The following LPA variants were observed in gnomAD, a reference collection of about 807,000 sequenced individuals.
The protein encoded by LPA is lipoprotein(a).
A neutral mutation model predicts 197.9 loss-of-function variants in LPA; 199 were observed. The ratio of observed to expected loss-of-function variants is 1.01; its 90% CI spans 0.90 to 1.13. The LOEUF is 1.13. Among genes scored for constraint, LPA ranks in the 50% most tolerant of loss-of-function variants. LPA has a pLI of 0.00. For synonymous variants in LPA, 715 were observed against 639.5 expected (o/e 1.12, Z -1.78); for missense variants, 1,853 against 1,785.8 (o/e 1.04, Z -0.68).
At chr6:160,607,137 T>C (rs1209759252) in intron 16 of LPA, among the ~76,000 whole-genome samples, 1 of 152,174 alleles carries the variant, frequency 6.6e-6, no homozygotes, top group Non-Finnish European at 1.5e-5. Context: ...AAACATGGGA[T>C]CCAGGAGGAT....
intron 18 of LPA, among the ~76,000 whole-genome samples, chr6:160,602,668 C>A (rs1183069916): frequency 6.6e-6 from 1 of 152,220 alleles, no homozygotes; most frequent in Non-Finnish European, 1.5e-5. Context: ...GTTACACAAG[C>A]CTGCTGATTC....
chr6:160,600,852 G>T, intron 19 of LPA, 65 bp downstream of exon 19: 1 of 1,553,240 alleles, frequency 6.4e-7, no homozygotes, highest in East Asian at 2.3e-5. Context: ...TTGTGCGTCA[G>T]TGGGGGTATC....
chr6:160,586,411 T>C (rs1442140111), intron 25 of LPA, 38 bp downstream of exon 25: 2 of 1,609,598 alleles, frequency 1.2e-6, no homozygotes, highest in Middle Eastern at 1.7e-4. Flanking sequence ...TTTATCCCAA[T>C]GTCCGAGGGT....
intron 17 of LPA, 35 bp downstream of exon 17, chr6:160,606,442 C>T (rs1267273101): frequency 3.1e-6 from 5 of 1,609,678 alleles, no homozygotes; most frequent in East Asian, 4.5e-5. Flanking sequence ...ATCCCAGCAT[C>T]GAAACGTGTA....
chr6:160,635,058 G>T (rs1779784380), intron 7 of LPA, 65 bp downstream of exon 7: 1 of 1,473,394 alleles, frequency 6.8e-7, no homozygotes, highest in Non-Finnish European at 9.4e-7. Context: ...CTGCATCAGT[G>T]GGAATTTCCA....
chr6:160,589,540 C>A lies in LPA; in HGVS notation c.3947+13G>T, dbSNP rs200148400. Reference sequence around the variant, plus strand: ...GGTGGCTGTTTCTCTTGGGAGAAAACTCAAAGACATACCCATTTGGGTAGT... The same window carrying A: ...GGTGGCTGTTTCTCTTGGGAGAAAAATCAAAGACATACCCATTTGGGTAGT... On this transcript the variant is annotated intron_variant, in intron 24 of 38. Transcript: ENST00000316300. The A allele has an allele frequency of 1.1e-4, 177 of 1,612,838 alleles. No homozygotes were observed. The highest frequency in any genetic ancestry group is 1.4e-4 in the Non-Finnish European group (163 of 1,179,714).
chr6:160,567,646 G>C (rs955988441), intron 28 of LPA, among the ~76,000 whole-genome samples: 1 of 152,144 alleles, frequency 6.6e-6, no homozygotes. Flanking sequence ...ACTAAGACCA[G>C]AGCAGAACTG....
At chr6:160,542,318 C>G (rs1477185520) in intron 34 of LPA, among the ~76,000 whole-genome samples, 2 of 152,212 alleles carry the variant, frequency 1.3e-5, no homozygotes, top group African/African-American at 4.8e-5. Context: ...TGTCCTCCCT[C>G]ACTGCAAAGT....
Position 160,611,369 on chromosome 6 carries a change from G to A in LPA, c.2603+193C>T, listed in dbSNP as rs78893353. On this transcript the variant is annotated intron_variant, in intron 16 of 38. Transcript: ENST00000316300. ...ATTTCCCTTCTGCTCCACAAAACTA[G>A]GAGGAAGGTGAGGCAGCTTAACATT... is the stretch of plus-strand genomic sequence containing the variant. Among the ~76,000 whole-genome samples, 908 of 152,168 alleles carry A rather than the reference G, an allele frequency of 6.0e-3. 10 individuals are homozygous for A. Among genetic ancestry groups the A allele is most frequent in the Non-Finnish European group, 9.8e-3 (664 of 67,988 alleles).
At chr6:160,591,244 G>T (rs947432201) in intron 22 of LPA, 143 bp from the exon 23 acceptor site, 2 of 1,052,106 alleles carry the variant, frequency 1.9e-6, no homozygotes, top group East Asian at 2.6e-5. Flanking sequence ...ATCACAAATC[G>T]TCCTCAACTT....
At chr6:160,653,111 T>G (rs3011437) in intron 1 of LPA, among the ~76,000 whole-genome samples, 29,951 of 151,912 alleles carry the variant, frequency 0.2, 3,822 homozygotes, top group Non-Finnish European at 0.29. Flanking sequence ...CAAATACTAG[T>G]GAAAATAGAG....
rs1174302959 is a variant in LPA at position 160,531,612 on chromosome 6, C to T, written c.*117G>A. ...CCAAAAATGCCAAGGTTTGGCATAG[C>T]TGGTAGCTGGGAACAGTGTCTTCGT... On this transcript the variant is annotated 3_prime_UTR_variant, in exon 39 of 39. Transcript: ENST00000316300. 10 of 1,402,318 alleles carry T rather than the reference C, an allele frequency of 7.1e-6. No homozygotes were observed. The highest frequency in any genetic ancestry group is 1.0e-5 in the Non-Finnish European group (10 of 993,762). 86.9% of individuals were successfully genotyped at this position (1,402,318 alleles called of 1,614,324 possible).
At chr6:160,576,439 T>C (rs1409858793) in intron 28 of LPA, among the ~76,000 whole-genome samples, 8 of 131,686 alleles carry the variant, frequency 6.1e-5, no homozygotes, top group African/African-American at 1.4e-4. Context: ...TATACACACA[T>C]GCACACATAT....
At chr6:160,565,403 G>C (rs370971157) in intron 28 of LPA, among the ~76,000 whole-genome samples, 142 of 152,288 alleles carry the variant, frequency 9.3e-4, no homozygotes, top group African/African-American at 3.1e-3. Flanking sequence ...GTAATACCCA[G>C]GCAAACAGGG....
chr6:160,546,051 AAC>A (rs2115002235), intron 32 of LPA, among the ~76,000 whole-genome samples: 1 of 152,312 alleles, frequency 6.6e-6, no homozygotes, highest in South Asian at 2.1e-4. Context: ...CCCAGTTCTT[AAC>A]ACAGAGCTCC....
intron 28 of LPA, among the ~76,000 whole-genome samples, chr6:160,568,116 G>A (rs995604481): frequency 1.3e-5 from 2 of 152,122 alleles, no homozygotes; most frequent in African/African-American, 4.8e-5. Flanking sequence ...AGAAAAAGAG[G>A]GAATCCTCCC....
intron 2 of LPA, among the ~76,000 whole-genome samples, chr6:160,649,839 C>T (rs1049708031): frequency 4.6e-5 from 7 of 152,242 alleles, no homozygotes; most frequent in East Asian, 1.9e-4. Context: ...CCTGGCAACC[C>T]GTATTCCTTC....
Position 160,600,988 on chromosome 6 carries a change from T to A in LPA, c.3056A>T (p.Asp1019Val). ...AGGGACGAAGGCAGTCCATTCTGCATCTGAGCATCGTGTCAGGTTGCAGTA... is the reference window on the plus strand; with the variant it reads ...AGGGACGAAGGCAGTCCATTCTGCAACTGAGCATCGTGTCAGGTTGCAGTA... ...WEYCNLTRCS[D>V]AEWTAFVPPN... The change falls in exon 19 of 39, where the codon GAT (aspartate) becomes GTT (valine). Residue 1019 changes from aspartate (D) to valine (V), a missense_variant. By Grantham distance (152) the Asp-to-Val change is radical. Transcript: ENST00000316300. 2 of 1,614,046 alleles carry A rather than the reference T, an allele frequency of 1.2e-6. No homozygotes were observed. Among genetic ancestry groups the A allele is most frequent in the Non-Finnish European group, 1.7e-6 (2 of 1,179,984 alleles).
Position 160,611,522 on chromosome 6 carries a change from T to C in LPA, c.2603+40A>G, listed in dbSNP as rs762337953. The C allele has an allele frequency of 9.3e-6, 15 of 1,605,916 alleles. No homozygotes were observed. In the African/African-American group the frequency reaches 1.6e-4, roughly 17 times the overall value. On this transcript the variant is annotated intron_variant, in intron 16 of 38. Transcript: ENST00000316300. ...ATGTCTCTTGTCACAGAAACTTCAG[T>C]TGGCCCTTTATTCTCTTATGGTAAA...
Sources: gnomAD v4.1 joint callset for allele counts (sites outside exome capture counted in the v4.1 genomes callset) on GRCh38, gnomAD v4.1.1 for gene constraint, MANE v1.5 for transcripts, NCBI Gene and HGNC (gene_info 2026-07-23, HGNC 2026-07-21) for gene names.